Variants in BCAS3 observed in about 807,000 individuals in gnomAD.
The protein encoded by BCAS3 is BCAS3 microtubule associated cell migration factor.
BCAS3 carries 53 observed loss-of-function variants against 116.1 expected under a neutral mutation model. The observed-to-expected ratio is 0.46, with a 90% CI of 0.37 to 0.57. The LOEUF is 0.57. Among genes scored for constraint, BCAS3 ranks in the 20% least tolerant of loss-of-function variants. The pLI is 0.00. For synonymous variants in BCAS3, 391 were observed against 408.2 expected (o/e 0.96, Z 0.51); for missense variants, 917 against 1,165.4 (o/e 0.79, Z 3.10).
intron 14 of BCAS3, among the ~76,000 whole-genome samples, chr17:60,957,858 C>G (rs2061222100): frequency 6.6e-6 from 1 of 152,232 alleles, no homozygotes. Context: ...TAGCAAAGCA[C>G]TGGCACAGTA....
chr17:60,987,049 T>C (rs2063183072), intron 14 of BCAS3: 1 of 152,172 alleles, frequency 6.6e-6, no homozygotes, highest in Non-Finnish European at 1.5e-5. Flanking sequence ...CTTCTGCATA[T>C]GTATATCCAG....
rs925550265 is a variant in BCAS3, at chr17:61,088,750, A to T, written c.2425+4186A>T. 6.6e-6 allele frequency among the ~76,000 whole-genome samples: 1 copy of T among 152,244 alleles called. No homozygotes were observed. The highest frequency in any genetic ancestry group is 1.5e-5 in the Non-Finnish European group (1 of 68,044). ...ATTTGTGGTTTTACTATGGAGATGG[A>T]TGTTTACTAACAAAGAACTCAGATA... On this transcript the variant is annotated intron_variant, in intron 22 of 23. Coordinates refer to ENST00000407086, the MANE Select transcript of BCAS3 (RefSeq NM_017679.5). The surrounding 1 kb of genome is among the most constrained non-coding windows in gnomAD (Gnocchi z 4.2).
chr17:60,747,028 TTAAGA>T (rs2042064234), intron 5 of BCAS3, among the ~76,000 whole-genome samples, 165 bp from the exon 6 acceptor site: 1 of 152,190 alleles, frequency 6.6e-6, no homozygotes, highest in South Asian at 2.1e-4. Context: ...TTGCAGTAAT[TTAAGA>T]TATGAATATA....
At chr17:60,840,829 AC>A (rs1460026022) in intron 7 of BCAS3, among the ~76,000 whole-genome samples, 1 of 152,224 alleles carries the variant, frequency 6.6e-6, no homozygotes, top group Non-Finnish European at 1.5e-5. Flanking sequence ...TTAATTAAGA[AC>A]AAATTACTGA....
chr17:61,392,389 A>T lies in BCAS3; in HGVS notation c.*264A>T. On this transcript the variant is annotated 3_prime_UTR_variant, in exon 24 of 24. Transcript: ENST00000407086. This position sits in a 1 kb window ranked among gnomAD's most constrained non-coding sequence, Gnocchi z 6.4. ...GCTCGGTCCCTGTGTATGTTTGCAT[A>T]TGACATCCTGCATTGGATCCGCTTT... 3.2e-6 allele frequency: 1 copy of T among 312,250 alleles called. No individual in the cohort carries two copies. 19.3% of individuals were successfully genotyped at this position (312,250 alleles called of 1,614,324 possible). A position where few individuals can be genotyped will look rare whatever the true frequency, so the allele number is the denominator to read the frequency against.
At position 61,244,592 on chromosome 17, in the gene BCAS3, G is replaced by A. The variant is rs112845869; in HGVS notation, c.2426-123735G>A. 1.5e-3 allele frequency among the ~76,000 whole-genome samples: 222 copies of A among 152,220 alleles called. 1 individual carries two copies. The highest frequency in any genetic ancestry group is 5.2e-3 in the African/African-American group (215 of 41,542). On this transcript the variant is annotated intron_variant, in intron 22 of 23. Transcript: ENST00000407086. This position sits in a 1 kb window ranked among gnomAD's most constrained non-coding sequence, Gnocchi z 4.9. ...AAAATTGGATATATAGGCCCGGCGC[G>A]GTGGCTCATGCCTGTAATCCCAGCA...
In BCAS3 at chr17:61,323,063, T is replaced by A. The variant is rs1292178471; in HGVS notation, c.2426-45264T>A. Among the ~76,000 whole-genome samples the A allele has an allele frequency of 6.6e-6, 1 of 151,670 alleles. No homozygotes were observed. Among genetic ancestry groups the A allele is most frequent in the Non-Finnish European group, 1.5e-5 (1 of 67,994 alleles). On this transcript the variant is annotated intron_variant, in intron 22 of 23. Coordinates refer to ENST00000407086, the MANE Select transcript of BCAS3 (RefSeq NM_017679.5). This position sits in a 1 kb window ranked among gnomAD's most constrained non-coding sequence, Gnocchi z 4.6. ...GCCACAGTTAATTTGATTGAGCTGC[T>A]AAGCAGTTGGTTTAAAAAAAAAATG...
At position 61,381,862 on chromosome 17, in the gene BCAS3, C is replaced by T. The variant is rs1292771793; in HGVS notation, c.2594-10115C>T. 6.6e-6 allele frequency among the ~76,000 whole-genome samples: 1 copy of T among 152,130 alleles called. No homozygotes were observed. Among genetic ancestry groups the T allele is most frequent in the Non-Finnish European group, 1.5e-5 (1 of 68,030 alleles). On this transcript the variant is annotated intron_variant, in intron 23 of 23. Coordinates refer to ENST00000407086, the MANE Select transcript of BCAS3 (RefSeq NM_017679.5). The surrounding 1 kb of genome is among the most constrained non-coding windows in gnomAD (Gnocchi z 6.0). ...AGCTGGCCAGGAGTCTTAAAGGGAC[C>T]TCAACCTCAGCACAGCATTATTAAT...
chr17:60,811,771 G>C (rs770518090), intron 7 of BCAS3, among the ~76,000 whole-genome samples: 1 of 152,254 alleles, frequency 6.6e-6, no homozygotes, highest in Non-Finnish European at 1.5e-5. Flanking sequence ...AATAGGCCTG[G>C]ATGCAGTGGC....
intron 22 of BCAS3, among the ~76,000 whole-genome samples, chr17:61,262,741 A>T (rs1453221457): frequency 1.4e-5 from 2 of 145,988 alleles, no homozygotes; most frequent in African/African-American, 5.1e-5. Flanking sequence ...TGCCCAGGCT[A>T]GAGTGCAATG....
chr17:61,141,152 A>G lies in BCAS3; in HGVS notation c.2425+56588A>G, dbSNP rs376715348. Among the ~76,000 whole-genome samples, 2 of 152,212 alleles carry G rather than the reference A, an allele frequency of 1.3e-5. No homozygotes were observed. The highest frequency in any genetic ancestry group is 1.3e-4 in the Admixed American group (2 of 15,278). On this transcript the variant is annotated intron_variant, in intron 22 of 23. Transcript: ENST00000407086. The surrounding 1 kb of genome is among the most constrained non-coding windows in gnomAD (Gnocchi z 4.3). ...TACACCTACTGGTTCATAAATGGTCATAAATGTTCAACATTTACGAATTTA... is the reference window on the plus strand; with the variant it reads ...TACACCTACTGGTTCATAAATGGTCGTAAATGTTCAACATTTACGAATTTA...
chr17:61,353,376 G>C (rs1332077580), intron 22 of BCAS3, among the ~76,000 whole-genome samples: 1 of 152,188 alleles, frequency 6.6e-6, no homozygotes, highest in Non-Finnish European at 1.5e-5. Context: ...TGACGCCGGC[G>C]GTCTGGGGAG....
chr17:61,079,954 C>T (rs1346081285), intron 21 of BCAS3, among the ~76,000 whole-genome samples: 1 of 132,050 alleles, frequency 7.6e-6, no homozygotes, highest in East Asian at 2.4e-4. Context: ...TGCTGTGGTG[C>T]GATCTCAGTT....
intron 22 of BCAS3, among the ~76,000 whole-genome samples, chr17:61,345,981 A>G (rs1344171276): frequency 6.6e-6 from 1 of 152,222 alleles, no homozygotes; most frequent in African/African-American, 2.4e-5. Flanking sequence ...TGCTGGAGTG[A>G]AGGTGAAGGT....
chr17:61,301,430 G>A (rs184254954), intron 22 of BCAS3, among the ~76,000 whole-genome samples: 277 of 152,240 alleles, frequency 1.8e-3, no homozygotes, highest in Non-Finnish European at 2.8e-3. Context: ...TCAGGAGTTC[G>A]AGACCAGCCG....
rs1284894758 is a variant in BCAS3, at chr17:61,023,407, A to G, written c.1637+7506A>G. On this transcript the variant is annotated intron_variant, in intron 16 of 23. Coordinates refer to ENST00000407086, the MANE Select transcript of BCAS3 (RefSeq NM_017679.5). This position sits in a 1 kb window ranked among gnomAD's most constrained non-coding sequence, Gnocchi z 4.8. ...CATGATTAATTGAAAAATAAGGTTT[A>G]TAGAGTATGTTTATAAAATTTGTCT... is the stretch of plus-strand genomic sequence containing the variant. Among the ~76,000 whole-genome samples the G allele has an allele frequency of 6.6e-6, 1 of 152,184 alleles. No individual in the cohort carries two copies. Among genetic ancestry groups the G allele is most frequent in the Non-Finnish European group, 1.5e-5 (1 of 68,042 alleles).
In BCAS3 at chr17:60,875,416, C is replaced by T. The variant is rs1424803838; in HGVS notation, c.661+678C>T. On this transcript the variant is annotated intron_variant, in intron 9 of 23. Coordinates refer to ENST00000407086, the MANE Select transcript of BCAS3 (RefSeq NM_017679.5). ...GGAAAAAAATGTAAACACATAAAGC[C>T]TTGGAAAATATATTGGCAGAATCAG... Among the ~76,000 whole-genome samples, 3 of 151,936 alleles carry T rather than the reference C, an allele frequency of 2.0e-5. No individual in the cohort carries two copies. In the East Asian group the frequency reaches 5.8e-4, roughly 29 times the overall value.
At chr17:61,176,110 G>GCCC (rs2079114440) in intron 22 of BCAS3, among the ~76,000 whole-genome samples, 1 of 127,444 alleles carries the variant, frequency 7.8e-6, no homozygotes, top group Admixed American at 9.4e-5. Flanking sequence ...CTGCACTCCA[G>GCCC]CCTGGGAGAC....
chr17:61,340,207 C>G (rs1403112485), intron 22 of BCAS3, among the ~76,000 whole-genome samples: 1 of 148,282 alleles, frequency 6.7e-6, no homozygotes, highest in Admixed American at 6.9e-5. Flanking sequence ...TCAAGAAGGT[C>G]TTTCTTTTTT....
Sources: allele counts gnomAD v4.1 joint callset (sites outside exome capture counted in the v4.1 genomes callset), GRCh38; gene constraint gnomAD v4.1.1; non-coding constraint Gnocchi (gnomAD v3.1); transcripts MANE v1.5; gene names NCBI Gene and HGNC (gene_info 2026-07-23, HGNC 2026-07-21).